The following HMCN2 variants were observed in gnomAD, a reference collection of about 807,000 sequenced individuals.
The protein encoded by HMCN2 is hemicentin-2.
HMCN2 carries 325 observed loss-of-function variants against 377.5 expected under a neutral mutation model. The ratio of observed to expected loss-of-function variants is 0.86; its 90% CI spans 0.79 to 0.94. HMCN2 has a LOEUF of 0.94. Among genes scored for constraint, HMCN2 ranks in the 40% least tolerant of loss-of-function variants. The probability of loss-of-function intolerance (pLI) is 0.00; values close to 1 mark genes in which losing one functional copy is unlikely to be tolerated. For synonymous variants in HMCN2, 2,007 were observed against 2,046.8 expected (o/e 0.98, Z 0.53); for missense variants, 4,543 against 4,725.3 (o/e 0.96, Z 1.13).
In HMCN2 at chr9:130,422,534, G is replaced by A. The variant is rs1564880425; in HGVS notation, c.13232-43G>A. Reference sequence around the variant, plus strand: ...AGCCTGCTTGTGCTGTGGGCCCCGGGGTGGATAGTCAGTGGCACTGTCATT... The same window carrying A: ...AGCCTGCTTGTGCTGTGGGCCCCGGAGTGGATAGTCAGTGGCACTGTCATT... On this transcript the variant is annotated intron_variant, in intron 86 of 97. Coordinates refer to ENST00000683500, the MANE Select transcript of HMCN2 (RefSeq NM_001291815.2). This position sits in a 1 kb window ranked among gnomAD's most constrained non-coding sequence, Gnocchi z 4.2. 7.8e-7 allele frequency: 1 copy of A among 1,289,654 alleles called. No individual in the cohort carries two copies. The highest frequency in any genetic ancestry group is 9.9e-7 in the Non-Finnish European group (1 of 1,010,614). 79.9% of individuals were successfully genotyped at this position (1,289,654 alleles called of 1,614,324 possible).
chr9:130,388,097 T>C (rs1842112851), intron 61 of HMCN2, among the ~76,000 whole-genome samples: 1 of 151,902 alleles, frequency 6.6e-6, no homozygotes, highest in African/African-American at 2.4e-5. Context: ...CTGCCTGGGG[T>C]GTGTGACTTC....
In HMCN2 at chr9:130,426,287, C is replaced by T. The variant is rs141508948; in HGVS notation, c.13879+363C>T. ...GCCACACCCAAGGAGCCAGGAACCA[C>T]TGTTGGAACCCTAGAGACCCCCAGG... On this transcript the variant is annotated intron_variant, in intron 90 of 97. Transcript: ENST00000683500. Among the ~76,000 whole-genome samples the T allele has an allele frequency of 3.2e-4, 49 of 152,356 alleles. No homozygotes were observed. In the East Asian group the frequency reaches 9.5e-3, roughly 29 times the overall value.
intron 74 of HMCN2, among the ~76,000 whole-genome samples, chr9:130,398,153 C>CAAAAAAAA (rs397940740): frequency 3.0e-4 from 10 of 33,892 alleles, no homozygotes; most frequent in Admixed American, 4.0e-4. Flanking sequence ...ACTCCGTCTA[C>CAAAAAAAA]AAAAAAAAAA....
At chr9:130,364,344 T>G (rs1274201155) in intron 40 of HMCN2, among the ~76,000 whole-genome samples, 1 of 152,252 alleles carries the variant, frequency 6.6e-6, no homozygotes, top group East Asian at 1.9e-4. Flanking sequence ...CTGGTTATTT[T>G]TGCTTCAGGG....
At chr9:130,348,088 G>T (rs1214898949) in intron 26 of HMCN2, 4 of 976,856 alleles carry the variant, frequency 4.1e-6, no homozygotes, top group Non-Finnish European at 4.9e-6. Flanking sequence ...AACTGGCCCC[G>T]CTTGGGCAGT....
At chr9:130,278,424 G>T (rs1285426353) in intron 1 of HMCN2, among the ~76,000 whole-genome samples, 1 of 149,178 alleles carries the variant, frequency 6.7e-6, no homozygotes, top group African/African-American at 2.5e-5. Context: ...GCGCCCGGCC[G>T]CCATCATTGT....
intron 15 of HMCN2, among the ~76,000 whole-genome samples, chr9:130,311,007 A>G (rs1410973218): frequency 1.3e-5 from 2 of 152,094 alleles, no homozygotes; most frequent in Non-Finnish European, 2.9e-5. Context: ...GTGGAGTCCA[A>G]ATTCCTTGGT....
At position 130,397,525 on chromosome 9, in the gene HMCN2, T is replaced by G; in HGVS notation, c.11199-3T>G. On this transcript the variant is annotated splice_polypyrimidine_tract_variant and splice_region_variant and intron_variant, in intron 73 of 97. Coordinates refer to ENST00000683500, the MANE Select transcript of HMCN2 (RefSeq NM_001291815.2). ...TCTCCAGGGCAACCCCCATCCATTC[T>G]AGGTTTGAAATTCTGCCTGAGGGTT... is the stretch of plus-strand genomic sequence containing the variant. 7.8e-7 allele frequency: 1 copy of G among 1,289,848 alleles called. No homozygotes were observed. The highest frequency in any genetic ancestry group is 1.5e-5 in the African/African-American group (1 of 65,988). The allele number at this position is 1,289,848 out of a possible 1,614,324, so 79.9% of individuals were successfully genotyped here.
chr9:130,289,495 C>T (rs1050863104), intron 4 of HMCN2, among the ~76,000 whole-genome samples: 3 of 152,072 alleles, frequency 2.0e-5, no homozygotes, highest in Non-Finnish European at 2.9e-5. Context: ...CTTCAGACCT[C>T]GCAGCCCTGC....
intron 4 of HMCN2, among the ~76,000 whole-genome samples, chr9:130,289,666 A>AC (rs544151688): frequency 4.0e-5 from 6 of 151,750 alleles, no homozygotes; most frequent in South Asian, 4.2e-4. Context: ...ATGCCATCCC[A>AC]CCCCCCCGTG....
intron 60 of HMCN2, among the ~76,000 whole-genome samples, chr9:130,386,034 G>T (rs1299813367): frequency 6.6e-6 from 1 of 152,124 alleles, no homozygotes; most frequent in Non-Finnish European, 1.5e-5. Context: ...TATCTGGTCC[G>T]CTCCGGCTGA....
chr9:130,290,231 C>G (rs904008855), intron 4 of HMCN2, among the ~76,000 whole-genome samples: 1 of 152,358 alleles, frequency 6.6e-6, no homozygotes, highest in African/African-American at 2.4e-5. Flanking sequence ...CCAGGCCTGG[C>G]CCTACAGGGG....
In HMCN2 at chr9:130,304,801, C is replaced by T. The variant is rs112964236; in HGVS notation, c.1615C>T (p.Arg539Trp). The change falls in exon 11 of 98, where the codon CGG becomes TGG. Residue 539 changes from arginine to tryptophan, a missense_variant. By Grantham distance (101) the Arg-to-Trp change is moderately radical. Transcript: ENST00000683500. This position sits in a 1 kb window ranked among gnomAD's most constrained non-coding sequence, Gnocchi z 4.3. Reference protein sequence around the residue: ...SPGETAVLSCRVLGEAPYNLT... With the variant: ...SPGETAVLSCWVLGEAPYNLT... ...AGGGGAGACTGCCGTCCTATCCTGC[C>T]GGGTCCTAGGCGAGGCCCCCTACAA... 47 of 471,248 alleles carry T rather than the reference C, an allele frequency of 1.0e-4. 1 individual carries two copies. The highest frequency in any genetic ancestry group is 5.8e-4 in the African/African-American group (29 of 50,206). The allele number at this position is 471,248 out of a possible 1,614,324, so 29.2% of individuals were successfully genotyped here.
Position 130,382,202 on chromosome 9 carries a change from T to TC in HMCN2, c.8455dup (p.Leu2819ProfsTer38). 1 of 985,712 alleles carries TC rather than the reference T, an allele frequency of 1.0e-6. No homozygotes were observed. Among genetic ancestry groups the TC allele is most frequent in the Non-Finnish European group, 1.2e-6 (1 of 829,902 alleles). The allele number at this position is 985,712 out of a possible 1,614,324, so 61.1% of individuals were successfully genotyped here. The stretch of plus-strand genomic sequence containing the variant: ...CCTGCAGGAGGCCGGGTCCTGCAGA[T>TC]CCCCCTGGTGCGGGCAGAGAACGCC... On this transcript the variant is annotated frameshift_variant, in exon 55 of 98. Coordinates refer to ENST00000683500, the MANE Select transcript of HMCN2 (RefSeq NM_001291815.2). LOFTEE classifies it high-confidence loss of function.
chr9:130,420,554 C>T (rs1843949357), intron 86 of HMCN2, among the ~76,000 whole-genome samples: 1 of 152,148 alleles, frequency 6.6e-6, no homozygotes, highest in Non-Finnish European at 1.5e-5. Flanking sequence ...CTGGAGGCTG[C>T]AAATCCAGGA....
rs1382404965 is a variant in HMCN2, at chr9:130,394,780, G to T, written c.10692+205G>T. 6.6e-6 allele frequency among the ~76,000 whole-genome samples: 1 copy of T among 152,228 alleles called. No individual in the cohort carries two copies. The highest frequency in any genetic ancestry group is 2.4e-5 in the African/African-American group (1 of 41,458). On this transcript the variant is annotated intron_variant, in intron 69 of 97. Coordinates refer to ENST00000683500, the MANE Select transcript of HMCN2 (RefSeq NM_001291815.2). The surrounding 1 kb of genome is among the most constrained non-coding windows in gnomAD (Gnocchi z 5.1). ...GGGCCCAGGCTGATGCCAAAACCAG[G>T]TGACCCCATCTAGGCCAGAGGAGGG...
In HMCN2 at chr9:130,360,559, A is replaced by G; in HGVS notation, c.5905A>G (p.Asn1969Asp). The change falls in exon 38 of 98, where the codon AAT (asparagine) becomes GAT (aspartate). Residue 1969 changes from asparagine (N) to aspartate (D), a missense_variant. Physicochemically the swap from Asn to Asp is conservative, Grantham distance 23 (BLOSUM62 1). Coordinates refer to ENST00000683500, the MANE Select transcript of HMCN2 (RefSeq NM_001291815.2). This position sits in a 1 kb window ranked among gnomAD's most constrained non-coding sequence, Gnocchi z 4.7. ...DAGSYRCVAS[N>D]VAGSTELRYG... ...TGGGAGCTACCGCTGTGTGGCATCCAATGTGGCAGGTAGCACAGAGCTGCG... is the reference window on the plus strand; with the variant it reads ...TGGGAGCTACCGCTGTGTGGCATCCGATGTGGCAGGTAGCACAGAGCTGCG... 1.5e-6 allele frequency: 2 copies of G among 1,304,192 alleles called. No homozygotes were observed. Among genetic ancestry groups the G allele is most frequent in the Non-Finnish European group, 2.0e-6 (2 of 988,874 alleles). The allele number at this position is 1,304,192 out of a possible 1,614,324, so 80.8% of individuals were successfully genotyped here. A position where few individuals can be genotyped will look rare whatever the true frequency, so the allele number is the denominator to read the frequency against.
chr9:130,418,866 C>G lies in HMCN2; in HGVS notation c.13056C>G (p.Pro4352=). Residue 4352 remains proline (P), a synonymous_variant, in exon 86 of 98, where the codon CCC becomes CCG. Transcript: ENST00000683500. ...LRCQATGEPT[P]TIEWLQAGQP... is the part of the protein sequence containing the mutation. ...GCCAGGCCACTGGAGAGCCCACACC[C>G]ACCATTGAATGGCTACAGGCGGGTC... 1 of 1,549,560 alleles carries G rather than the reference C, an allele frequency of 6.5e-7. No individual in the cohort carries two copies. Among genetic ancestry groups the G allele is most frequent in the Non-Finnish European group, 8.7e-7 (1 of 1,146,322 alleles).
In HMCN2 at chr9:130,348,666, C is replaced by T. The variant is rs991068160; in HGVS notation, c.4146C>T (p.Asp1382=). The change falls in exon 27 of 98, where the codon GAC becomes GAT. Residue 1382 remains aspartate (D), a synonymous_variant. Coordinates refer to ENST00000683500, the MANE Select transcript of HMCN2 (RefSeq NM_001291815.2). Reference sequence around the variant, plus strand: ...TCCCTGAGATCGTGTGGCTGAAGGACGCGCAGCTGGTGGGTGTCCCCCTAG... The same window carrying T: ...TCCCTGAGATCGTGTGGCTGAAGGATGCGCAGCTGGTGGGTGTCCCCCTAG... ...FPVPEIVWLK[D]AQLIPKVGGH... 3.5e-5 allele frequency: 45 copies of T among 1,295,698 alleles called. No homozygotes were observed. Among genetic ancestry groups the T allele is most frequent in the East Asian group, 1.2e-4 (2 of 17,306 alleles). The allele number at this position is 1,295,698 out of a possible 1,614,324, so 80.3% of individuals were successfully genotyped here.
Sources: allele counts gnomAD v4.1 joint callset (sites outside exome capture counted in the v4.1 genomes callset), GRCh38; gene constraint gnomAD v4.1.1; non-coding constraint Gnocchi (gnomAD v3.1); transcripts MANE v1.5; gene names NCBI Gene and HGNC (gene_info 2026-07-23, HGNC 2026-07-21).